Variants in ACACA observed in about 807,000 individuals in gnomAD.
The protein encoded by ACACA is acetyl-CoA carboxylase 1.
A neutral mutation model predicts 296.1 loss-of-function variants in ACACA; 103 were observed. The observed-to-expected ratio is 0.35, with a 90% CI of 0.30 to 0.41. The LOEUF (loss-of-function observed/expected upper bound fraction) is 0.41, where lower values mean the gene tolerates loss of function less well. ACACA is among the 10% of genes least tolerant of loss of function. ACACA has a pLI of 1.00. For missense variants in ACACA, 1,554 were observed against 2,989.7 expected (o/e 0.52, Z 11.20); for synonymous variants, 953 against 1,038.6 (o/e 0.92, Z 1.58).
chr17:37,299,454 T>C, intron 3 of ACACA: 1 of 1,578,314 alleles, frequency 6.3e-7, no homozygotes. Context: ...CTGTGCCTTC[T>C]GCCTGGCTTC....
intron 45 of ACACA, among the ~76,000 whole-genome samples, chr17:37,147,056 T>C (rs2075841626): frequency 6.6e-6 from 1 of 152,000 alleles, no homozygotes; most frequent in African/African-American, 2.4e-5. Flanking sequence ...ACAAGATTTT[T>C]TTCCCCTACA....
chr17:37,397,745 T>C (rs932735923), intron 1 of ACACA, among the ~76,000 whole-genome samples: 7 of 152,154 alleles, frequency 4.6e-5, no homozygotes, highest in Non-Finnish European at 1.0e-4. Context: ...TCGATCCATG[T>C]TTATACTGAA....
chr17:37,299,943 A>G (rs1243507171), intron 3 of ACACA, among the ~76,000 whole-genome samples: 1 of 152,204 alleles, frequency 6.6e-6, no homozygotes, highest in Non-Finnish European at 1.5e-5. Flanking sequence ...CACGGTGGGG[A>G]AAAGCAGGTC....
chr17:37,227,595 G>T (rs2079601327), intron 25 of ACACA, among the ~76,000 whole-genome samples: 1 of 152,050 alleles, frequency 6.6e-6, no homozygotes, highest in South Asian at 2.1e-4. Flanking sequence ...TAGGCCGGGC[G>T]CTGTGGCTCA....
chr17:37,342,179 C>T (rs201823649), intron 1 of ACACA, among the ~76,000 whole-genome samples: 8 of 151,328 alleles, frequency 5.3e-5, no homozygotes, highest in East Asian at 1.9e-4. Context: ...GAGATGAAGA[C>T]GGGCAGATCA....
chr17:37,196,853 C>A (rs1288664993), intron 35 of ACACA, among the ~76,000 whole-genome samples: 2 of 151,622 alleles, frequency 1.3e-5, no homozygotes, highest in Non-Finnish European at 2.9e-5. Flanking sequence ...CCATTTTTTT[C>A]TTTTATTTTT....
rs543312764 is a variant in ACACA, at chr17:37,125,053, T to C, written c.6041+645A>G. Among the ~76,000 whole-genome samples the C allele has an allele frequency of 2.0e-5, 3 of 152,326 alleles. No individual in the cohort carries two copies. In the South Asian group the frequency reaches 6.2e-4, roughly 32 times the overall value. Reference sequence around the variant, plus strand: ...GATCAGTCGTGGCAGGTGCTCGTTATAGCTCGTTATAGCAAGCACTACAGA... The same window carrying C: ...GATCAGTCGTGGCAGGTGCTCGTTACAGCTCGTTATAGCAAGCACTACAGA... On this transcript the variant is annotated intron_variant, in intron 48 of 55. Coordinates refer to ENST00000616317, the MANE Select transcript of ACACA (RefSeq NM_198834.3).
At chr17:37,128,201 G>C (rs1567695561) in intron 47 of ACACA, among the ~76,000 whole-genome samples, 1 of 152,024 alleles carries the variant, frequency 6.6e-6, no homozygotes, top group East Asian at 1.9e-4. Context: ...TTATATAATA[G>C]AAAGTCTAAT....
At chr17:37,248,796 A>C in intron 16 of ACACA, 122 bp from the exon 17 acceptor site, 2 of 683,184 alleles carry the variant, frequency 2.9e-6, no homozygotes, top group Non-Finnish European at 5.3e-6. Flanking sequence ...TAAATACCTA[A>C]ATGATCGTTT....
chr17:37,256,569 CAA>C (rs1441727696), intron 14 of ACACA, among the ~76,000 whole-genome samples: 1 of 152,120 alleles, frequency 6.6e-6, no homozygotes, highest in African/African-American at 2.4e-5. Context: ...CCCATCTCTA[CAA>C]AAAATTTAAA....
rs2080627940 is a variant in ACACA at position 37,245,099 on chromosome 17, T to C, written c.2576A>G (p.Asn859Ser). The C allele has an allele frequency of 1.2e-6, 2 of 1,614,044 alleles. No individual in the cohort carries two copies. Among genetic ancestry groups the C allele is most frequent in the Non-Finnish European group, 1.7e-6 (2 of 1,180,034 alleles). The change falls in exon 20 of 56, where the codon AAC becomes AGC. Residue 859 changes from asparagine (N) to serine (S), a missense_variant. Asn to Ser is a conservative substitution (Grantham distance 46, BLOSUM62 1). Transcript: ENST00000616317. Reference protein sequence around the residue: ...GCVLAKMQLDNPSKVQQAELH... With the variant: ...GCVLAKMQLDSPSKVQQAELH... ...ACTCACCTGCTGAACCTTGCTGGGG[T>C]TGTCCAGTTGCATTTTGGCTAGTAC...
At chr17:37,123,991 T>C (rs1027616012) in intron 48 of ACACA, among the ~76,000 whole-genome samples, 1 of 152,230 alleles carries the variant, frequency 6.6e-6, no homozygotes. Context: ...ATGAAGATGC[T>C]ACATCTTGTT....
At chr17:37,099,605 G>A (rs1270241287) in intron 52 of ACACA, among the ~76,000 whole-genome samples, 15 of 131,670 alleles carry the variant, frequency 1.1e-4, no homozygotes, top group African/African-American at 2.7e-4. Flanking sequence ...GGCTGATGGC[G>A]GGAGGGCTGA....
intron 3 of ACACA, among the ~76,000 whole-genome samples, chr17:37,307,090 T>C (rs1235700860): frequency 6.6e-6 from 1 of 152,238 alleles, no homozygotes; most frequent in Non-Finnish European, 1.5e-5. Context: ...AGTTTGTTCA[T>C]TTTCATTTCT....
intron 11 of ACACA, 79 bp downstream of exon 11, chr17:37,263,606 T>C: frequency 8.1e-7 from 1 of 1,228,662 alleles, no homozygotes. Context: ...AAAATGCCAT[T>C]GTTCTCAGAT....
chr17:37,140,204 A>G (rs1178790470), intron 45 of ACACA, among the ~76,000 whole-genome samples: 1 of 152,214 alleles, frequency 6.6e-6, no homozygotes, highest in Non-Finnish European at 1.5e-5. Context: ...TCCCACTCTC[A>G]AGATTTATAA....
chr17:37,219,023 T>C (rs1365393442), intron 29 of ACACA, among the ~76,000 whole-genome samples: 2 of 152,188 alleles, frequency 1.3e-5, no homozygotes, highest in African/African-American at 2.4e-5. Flanking sequence ...CACCTGAGTT[T>C]ATGCTAAGAG....
Position 37,306,130 on chromosome 17 carries a change from A to G in ACACA, c.339-21160T>C, listed in dbSNP as rs190631266. Reference sequence around the variant, plus strand: ...TCACCGTGTTAGCCAGGATGGTCTCAATCTCCTGACCTTGTGATCCGCCCA... The same window carrying G: ...TCACCGTGTTAGCCAGGATGGTCTCGATCTCCTGACCTTGTGATCCGCCCA... On this transcript the variant is annotated intron_variant, in intron 3 of 55. Coordinates refer to ENST00000616317, the MANE Select transcript of ACACA (RefSeq NM_198834.3). 3.8e-4 allele frequency among the ~76,000 whole-genome samples: 58 copies of G among 151,760 alleles called. No individual in the cohort carries two copies. In the East Asian group the frequency reaches 9.3e-3, roughly 24 times the overall value.
chr17:37,272,705 G>A (rs2082120775), intron 9 of ACACA, among the ~76,000 whole-genome samples: 1 of 152,026 alleles, frequency 6.6e-6, no homozygotes, highest in Non-Finnish European at 1.5e-5. Flanking sequence ...GTTAAGTAAG[G>A]AGCGGGGAGG....
Sources: allele counts gnomAD v4.1 joint callset (sites outside exome capture counted in the v4.1 genomes callset), GRCh38; gene constraint gnomAD v4.1.1; transcripts MANE v1.5; gene names NCBI Gene and HGNC (gene_info 2026-07-23, HGNC 2026-07-21).